Variants in LUZP2 observed in about 807,000 individuals in gnomAD.
LUZP2 encodes the protein leucine zipper protein 2.
LUZP2 carries 52 observed loss-of-function variants against 51.6 expected under a neutral mutation model. That is an observed-to-expected ratio of 1.01 (90% confidence interval 0.81 to 1.27). The LOEUF is 1.27. LUZP2 is among the 50% of genes most tolerant of loss of function. LUZP2 has a pLI of 0.00. For missense variants in LUZP2, 436 were observed against 395.4 expected, an observed-to-expected ratio of 1.10 and a Z score of -0.87; for synonymous variants, 154 against 137.3, an observed-to-expected ratio of 1.12 and a Z score of -0.85.
At chr11:24,636,871 C>T (rs976673295) in intron 1 of LUZP2, among the ~76,000 whole-genome samples, 49 of 149,328 alleles carry the variant, frequency 3.3e-4, no homozygotes, top group Admixed American at 3.0e-3. Flanking sequence ...AGAGGGCAAA[C>T]AGACATGAAA....
intron 1 of LUZP2, among the ~76,000 whole-genome samples, chr11:24,717,469 G>A (rs1358378845): frequency 2.0e-5 from 3 of 149,116 alleles, no homozygotes; most frequent in Non-Finnish European, 4.4e-5. Context: ...ATGCAGTGGC[G>A]CCATCTCGGC....
At chr11:24,924,611 G>T (rs960649832) in intron 7 of LUZP2, among the ~76,000 whole-genome samples, 2 of 152,124 alleles carry the variant, frequency 1.3e-5, no homozygotes, top group Non-Finnish European at 2.9e-5. Context: ...TTTTGCCAAG[G>T]TTAAGGGCAT....
chr11:24,826,589 A>G (rs1404864298), intron 5 of LUZP2, among the ~76,000 whole-genome samples: 1 of 151,220 alleles, frequency 6.6e-6, no homozygotes, highest in African/African-American at 2.4e-5. Flanking sequence ...GATGCCTGGT[A>G]TATCAGCAGC....
chr11:24,905,509 C>T lies in LUZP2; in HGVS notation c.397-482C>T, dbSNP rs577621956. 9.2e-5 allele frequency among the ~76,000 whole-genome samples: 14 copies of T among 152,010 alleles called. No homozygotes were observed. In the East Asian group the frequency reaches 1.6e-3, roughly 17 times the overall value. On this transcript the variant is annotated intron_variant, in intron 5 of 11. Transcript: ENST00000336930. ...TACCATTGCACTCCAGCCAGGACAA[C>T]GGAGTGAAACTTCGCTCAAAAAAAA...
At chr11:24,787,666 T>A (rs942549291) in intron 5 of LUZP2, among the ~76,000 whole-genome samples, 2 of 152,184 alleles carry the variant, frequency 1.3e-5, no homozygotes, top group African/African-American at 4.8e-5. Flanking sequence ...ATTTATTTTC[T>A]ATGCAAGATT....
intron 5 of LUZP2, among the ~76,000 whole-genome samples, chr11:24,783,625 C>G (rs548675258): frequency 6.6e-6 from 1 of 151,916 alleles, no homozygotes; most frequent in Non-Finnish European, 1.5e-5. Flanking sequence ...CTGCAACCTT[C>G]AACTTCTGTG....
rs1298265765 is a variant in LUZP2 at position 24,611,502 on chromosome 11, C to T, written c.62+114197C>T. Among the ~76,000 whole-genome samples, 1 of 152,006 alleles carries T rather than the reference C, an allele frequency of 6.6e-6. No homozygotes were observed. Among genetic ancestry groups the T allele is most frequent in the East Asian group, 1.9e-4 (1 of 5,196 alleles). On this transcript the variant is annotated intron_variant, in intron 1 of 11. Coordinates refer to ENST00000336930, the MANE Select transcript of LUZP2 (RefSeq NM_001009909.4). The surrounding 1 kb of genome is among the most constrained non-coding windows in gnomAD (Gnocchi z 4.6). ...TAGATATAGGTGATCTCAGACAGGG[C>T]TTGTTAGATTGTGTGAAAAGATACA...
At chr11:24,996,025 A>T (rs548030396) in intron 9 of LUZP2, among the ~76,000 whole-genome samples, 1 of 150,734 alleles carries the variant, frequency 6.6e-6, no homozygotes, top group East Asian at 1.9e-4. Context: ...GGTTCTAATT[A>T]TTTTTATATA....
intron 5 of LUZP2, among the ~76,000 whole-genome samples, chr11:24,764,893 A>G (rs1765963056): frequency 6.6e-6 from 1 of 152,176 alleles, no homozygotes; most frequent in Non-Finnish European, 1.5e-5. Flanking sequence ...TTGTCTTGGG[A>G]GGTTATTTTT....
In LUZP2 at chr11:24,683,205, T is replaced by A. The variant is rs138570768; in HGVS notation, c.63-45964T>A. Among the ~76,000 whole-genome samples the A allele has an allele frequency of 4.9e-3, 743 of 152,346 alleles. 3 individuals are homozygous for A. The highest frequency in any genetic ancestry group is 7.7e-3 in the Non-Finnish European group (527 of 68,036). Reference sequence around the variant, plus strand: ...AGACAAAGAGAAGTGTTGAACCTTATGCTGCTTCATTTCACTACATTTTTT... The same window carrying A: ...AGACAAAGAGAAGTGTTGAACCTTAAGCTGCTTCATTTCACTACATTTTTT... On this transcript the variant is annotated intron_variant, in intron 1 of 11. Transcript: ENST00000336930.
At chr11:24,631,432 G>C in intron 1 of LUZP2, among the ~76,000 whole-genome samples, 1 of 151,094 alleles carries the variant, frequency 6.6e-6, no homozygotes, top group South Asian at 2.1e-4. Flanking sequence ...TCATGAGGTG[G>C]TGCTGAATTT....
chr11:24,836,199 T>C (rs989339355), intron 5 of LUZP2, among the ~76,000 whole-genome samples: 1 of 151,910 alleles, frequency 6.6e-6, no homozygotes, highest in Admixed American at 6.6e-5. Context: ...CAATATCTGA[T>C]TTGAGCAAGT....
intron 5 of LUZP2, among the ~76,000 whole-genome samples, chr11:24,767,029 T>C (rs927879923): frequency 6.6e-6 from 1 of 152,158 alleles, no homozygotes; most frequent in Admixed American, 6.5e-5. Flanking sequence ...ATCAGCCTCC[T>C]AAAGTGCTGG....
At chr11:24,584,519 G>T (rs891303119) in intron 1 of LUZP2, among the ~76,000 whole-genome samples, 6 of 152,132 alleles carry the variant, frequency 3.9e-5, no homozygotes, top group African/African-American at 1.4e-4. Context: ...ATAGATAAAT[G>T]ACTTCATACC....
intron 1 of LUZP2, among the ~76,000 whole-genome samples, chr11:24,677,433 C>T (rs890198811): frequency 1.8e-4 from 28 of 152,154 alleles, no homozygotes; most frequent in African/African-American, 6.0e-4. Context: ...TATGGTAGAT[C>T]TTTTAATGTC....
chr11:24,625,020 C>T lies in LUZP2; in HGVS notation c.63-104149C>T, dbSNP rs1854629071. ...TGGTGAGCACAGAAGGAAATCCTGT[C>T]ATTCCCAAATGCCATTGACATGGAT... On this transcript the variant is annotated intron_variant, in intron 1 of 11. Coordinates refer to ENST00000336930, the MANE Select transcript of LUZP2 (RefSeq NM_001009909.4). Among the ~76,000 whole-genome samples the T allele has an allele frequency of 2.0e-5, 3 of 152,206 alleles. No homozygotes were observed. The South Asian group carries it at 6.2e-4, about 32-fold the overall frequency.
intron 1 of LUZP2, among the ~76,000 whole-genome samples, chr11:24,606,963 C>T (rs924819103): frequency 1.3e-5 from 2 of 151,828 alleles, no homozygotes; most frequent in African/African-American, 4.8e-5. Context: ...AATTTGAGTT[C>T]AGGTCCTTTA....
chr11:24,545,499 C>T (rs770835887), intron 1 of LUZP2, among the ~76,000 whole-genome samples: 21 of 149,316 alleles, frequency 1.4e-4, no homozygotes, highest in South Asian at 4.2e-4. Context: ...CTGCATATGG[C>T]GAGCCAGCAA....
rs969668759 is a variant in LUZP2 at position 25,079,368 on chromosome 11, A to G, written c.*710A>G. Reference sequence around the variant, plus strand: ...TATGTATGTCTACTGTAATTAATCCAAGTTAATAACCAAGTTTTCTGAAAT... The same window carrying G: ...TATGTATGTCTACTGTAATTAATCCGAGTTAATAACCAAGTTTTCTGAAAT... On this transcript the variant is annotated 3_prime_UTR_variant, in exon 12 of 12. Transcript: ENST00000336930. 1 of 152,136 alleles carries G rather than the reference A, an allele frequency of 6.6e-6. No individual in the cohort carries two copies. The highest frequency in any genetic ancestry group is 2.4e-5 in the African/African-American group (1 of 41,444). 9.4% of individuals were successfully genotyped at this position (152,136 alleles called of 1,614,324 possible).
Sources: allele counts gnomAD v4.1 joint callset (sites outside exome capture counted in the v4.1 genomes callset), GRCh38; gene constraint gnomAD v4.1.1; non-coding constraint Gnocchi (gnomAD v3.1); transcripts MANE v1.5; gene names NCBI Gene and HGNC (gene_info 2026-07-23, HGNC 2026-07-21).